GRIP1: variants seen among roughly 807,000 people sequenced by gnomAD.
GRIP1 encodes the protein glutamate receptor-interacting protein 1.
In GRIP1, 45 loss-of-function variants were observed where a neutral mutation model predicts 129.9. The ratio of observed to expected loss-of-function variants is 0.35; its 90% CI spans 0.27 to 0.44. GRIP1 has a LOEUF of 0.44. GRIP1 is among the 20% of genes least tolerant of loss of function. The pLI, the probability that GRIP1 is intolerant of heterozygous loss-of-function variation, is 1.00. For missense variants in GRIP1, 1,196 were observed against 1,396.8 expected (o/e 0.86, Z 2.29); for synonymous variants, 530 against 520.8 (o/e 1.02, Z -0.24).
At chr12:67,032,908 AT>A (rs1335276342) in intron 1 of GRIP1, among the ~76,000 whole-genome samples, 19 of 152,272 alleles carry the variant, frequency 1.2e-4, no homozygotes, top group African/African-American at 4.6e-4. Flanking sequence ...AAATATTATC[AT>A]TTTAACAGGT....
At chr12:66,785,343 C>CATATATATAT (rs199738180) in intron 1 of GRIP1, among the ~76,000 whole-genome samples, 1,784 of 72,710 alleles carry the variant, frequency 0.025, 89 homozygotes, top group East Asian at 0.046. Context: ...TACATACATA[C>CATATATATAT]ATATATATAT....
chr12:66,826,526 A>G (rs755997623), intron 1 of GRIP1, among the ~76,000 whole-genome samples: 2 of 152,004 alleles, frequency 1.3e-5, no homozygotes, highest in Non-Finnish European at 2.9e-5. Flanking sequence ...ACAAAGAATT[A>G]GGCAGATTGA....
chr12:66,476,801 G>A (rs1184657777), intron 7 of GRIP1, among the ~76,000 whole-genome samples: 1 of 152,174 alleles, frequency 6.6e-6, no homozygotes, highest in Non-Finnish European at 1.5e-5. Context: ...AATAGCTGCA[G>A]AAAAGGCCTT....
rs1474216569 is a variant in GRIP1 at position 66,937,690 on chromosome 12, G to A, written c.58+131360C>T. Among the ~76,000 whole-genome samples the A allele has an allele frequency of 3.3e-5, 5 of 152,184 alleles. 1 individual carries two copies. The highest frequency in any genetic ancestry group is 9.7e-5 in the African/African-American group (4 of 41,436). ...TTTAGAGTGGAGATGATATTATGGT[G>A]ATAGGTAAAGTGGAGATGTGATAAG... is the stretch of plus-strand genomic sequence containing the variant. On this transcript the variant is annotated intron_variant, in intron 1 of 1. Coordinates refer to the GRIP1 transcript ENST00000643019.
intron 1 of GRIP1, among the ~76,000 whole-genome samples, chr12:66,997,076 C>T (rs145694481): frequency 6.6e-4 from 101 of 152,134 alleles, no homozygotes; most frequent in African/African-American, 2.3e-3. Flanking sequence ...TCTCCAAAAC[C>T]GGACCTGGTG....
chr12:66,431,946 A>G (rs927884880), intron 14 of GRIP1, among the ~76,000 whole-genome samples: 1 of 152,180 alleles, frequency 6.6e-6, no homozygotes, highest in East Asian at 1.9e-4. Flanking sequence ...GGAGGAATTC[A>G]AGGATTTACT....
intron 1 of GRIP1, among the ~76,000 whole-genome samples, chr12:67,019,150 G>A (rs113404081): frequency 0.014 from 2,060 of 152,184 alleles, 47 homozygotes; most frequent in African/African-American, 0.047. Flanking sequence ...CTGCCAAAAC[G>A]ATCATTCAGG....
chr12:66,683,149 G>A (rs189330832), upstream of GRIP1, among the ~76,000 whole-genome samples: 454 of 151,720 alleles, frequency 3.0e-3, 3 homozygotes, highest in African/African-American at 0.01. Flanking sequence ...CTTAAAATGC[G>A]ACTCTCACCC....
chr12:67,066,045 T>C (rs1006058430), intron 1 of GRIP1, among the ~76,000 whole-genome samples: 6 of 152,198 alleles, frequency 3.9e-5, no homozygotes, highest in Admixed American at 3.9e-4. Flanking sequence ...TTTAATAGTA[T>C]GTTAGCGTAC....
intron 14 of GRIP1, among the ~76,000 whole-genome samples, chr12:66,429,912 G>C (rs187699053): frequency 1.1e-4 from 17 of 152,236 alleles, no homozygotes; most frequent in African/African-American, 3.1e-4. Flanking sequence ...GAGGTTGAGG[G>C]AATCAGGGCA....
intron 5 of GRIP1, among the ~76,000 whole-genome samples, chr12:66,521,148 C>T (rs2060989532): frequency 3.3e-5 from 5 of 152,174 alleles, no homozygotes; most frequent in Admixed American, 2.6e-4. Flanking sequence ...CACTTGAGCA[C>T]TCTATCAACT....
chr12:66,842,597 T>G (rs138442614), intron 1 of GRIP1, among the ~76,000 whole-genome samples: 157 of 152,318 alleles, frequency 1.0e-3, no homozygotes, highest in African/African-American at 3.4e-3. Flanking sequence ...AACATTATTT[T>G]GTATATCTTT....
intron 7 of GRIP1, among the ~76,000 whole-genome samples, chr12:66,503,779 G>C (rs913467104): frequency 6.6e-6 from 1 of 152,132 alleles, no homozygotes; most frequent in African/African-American, 2.4e-5. Context: ...AGAAAAGCTT[G>C]GGGGAGCCTA....
At chr12:66,538,956 T>C (rs1592512392) in intron 4 of GRIP1, 122 bp downstream of exon 4, 3 of 791,004 alleles carry the variant, frequency 3.8e-6, no homozygotes, top group East Asian at 5.2e-5. Flanking sequence ...AACTTTATCA[T>C]AAGTATGTAT....
chr12:66,845,063 C>T (rs565740382), intron 1 of GRIP1, among the ~76,000 whole-genome samples: 3 of 152,228 alleles, frequency 2.0e-5, no homozygotes, highest in South Asian at 2.1e-4. Flanking sequence ...ATACTTAACA[C>T]TATTGAACTG....
intron 24 of GRIP1, among the ~76,000 whole-genome samples, chr12:66,352,425 A>C (rs1459432510): frequency 6.6e-6 from 1 of 152,212 alleles, no homozygotes; most frequent in African/African-American, 2.4e-5. Context: ...AAACAAATCC[A>C]GCTGAAGCTA....
chr12:66,584,882 C>T (rs2139655660), intron 2 of GRIP1, among the ~76,000 whole-genome samples: 1 of 151,956 alleles, frequency 6.6e-6, no homozygotes, highest in South Asian at 2.1e-4. Context: ...GATGACCTCA[C>T]CTCTTATTTC....
rs375103708 is a variant in GRIP1, at chr12:66,353,392, A to G, written c.3159+25T>C. ...CCCAGTGAGAAATTACTTGCAAGGA[A>G]TTAAAATTCCACCTGAGGTCTTACC... On this transcript the variant is annotated intron_variant, in intron 24 of 24. Transcript: ENST00000359742. The G allele has an allele frequency of 1.2e-5, 19 of 1,562,610 alleles. No homozygotes were observed. In the African/African-American group the frequency reaches 2.4e-4, roughly 20 times the overall value.
chr12:66,800,111 G>T (rs2038815785), intron 1 of GRIP1, among the ~76,000 whole-genome samples: 1 of 152,072 alleles, frequency 6.6e-6, no homozygotes, highest in Non-Finnish European at 1.5e-5. Context: ...ATTAGAATAG[G>T]CAAACAACAA....
Sources: allele counts gnomAD v4.1 joint callset (sites outside exome capture counted in the v4.1 genomes callset), GRCh38; gene constraint gnomAD v4.1.1; transcripts MANE v1.5; gene names NCBI Gene and HGNC (gene_info 2026-07-23, HGNC 2026-07-21).